SORT1: variants seen among roughly 807,000 people sequenced by gnomAD.
SORT1 encodes sortilin 1, also known as sortilin.
SORT1 carries 39 observed loss-of-function variants against 101.7 expected under a neutral mutation model. That is an observed-to-expected ratio of 0.38 (90% CI 0.30 to 0.50). The LOEUF is 0.50. Ranked by LOEUF, SORT1 falls within the 20% of genes least tolerant of loss-of-function variation. SORT1 has a pLI of 0.90. For missense variants in SORT1, 878 were observed against 1,040.4 expected (o/e 0.84, Z 2.15); for synonymous variants, 396 against 393.7 (o/e 1.01, Z -0.07).
At chr1:109,387,670 TTGGGCTGGGCGCGGTGGCTCACGCC>T (rs1652650488) in intron 1 of SORT1, among the ~76,000 whole-genome samples, 1 of 152,226 alleles carries the variant, frequency 6.6e-6, no homozygotes. Flanking sequence ...GAAAGGCATT[TTGGGCTGGGCGCGGTGGCTCACGCC>T]TGCAATCCCA....
At chr1:109,324,588 GATA>G (rs754537366) in intron 14 of SORT1, among the ~76,000 whole-genome samples, 15 of 152,102 alleles carry the variant, frequency 9.9e-5, no homozygotes, top group Non-Finnish European at 1.8e-4. Flanking sequence ...ATGTTGAAAT[GATA>G]ATATTTTGGA....
At chr1:109,383,316 A>G (rs1040566392) in intron 1 of SORT1, among the ~76,000 whole-genome samples, 1 of 152,196 alleles carries the variant, frequency 6.6e-6, no homozygotes, top group South Asian at 2.1e-4. Flanking sequence ...GCCCTCTTTC[A>G]ACAAATATGT....
At chr1:109,384,722 T>C (rs985023128) in intron 1 of SORT1, among the ~76,000 whole-genome samples, 7 of 152,076 alleles carry the variant, frequency 4.6e-5, no homozygotes, top group Non-Finnish European at 1.0e-4. Flanking sequence ...GAGTATGGCA[T>C]AGGCATCTGC....
intron 1 of SORT1, among the ~76,000 whole-genome samples, chr1:109,375,813 T>C (rs1372801445): frequency 6.6e-6 from 1 of 152,100 alleles, no homozygotes; most frequent in Non-Finnish European, 1.5e-5. Context: ...GTAACATATT[T>C]AAAGTACTGG....
chr1:109,337,723 G>C (rs1206968693), intron 10 of SORT1, among the ~76,000 whole-genome samples: 1 of 152,094 alleles, frequency 6.6e-6, no homozygotes, highest in Non-Finnish European at 1.5e-5. Context: ...TGCCTCCCGG[G>C]TTCAAGCGAT....
At chr1:109,382,237 G>C (rs1048470294) in intron 1 of SORT1, among the ~76,000 whole-genome samples, 12 of 152,138 alleles carry the variant, frequency 7.9e-5, no homozygotes, top group Non-Finnish European at 2.9e-5. Flanking sequence ...CTGGGTTCAA[G>C]CAAGTCTCAT....
At chr1:109,317,668 C>A (rs1359194733) in intron 16 of SORT1, among the ~76,000 whole-genome samples, 185 bp downstream of exon 16, 1 of 152,142 alleles carries the variant, frequency 6.6e-6, no homozygotes, top group Non-Finnish European at 1.5e-5. Context: ...TCCTCTGACA[C>A]CAAGCACTCA....
chr1:109,338,391 C>G (rs1001193311), intron 10 of SORT1, among the ~76,000 whole-genome samples: 1 of 152,036 alleles, frequency 6.6e-6, no homozygotes, highest in African/African-American at 2.4e-5. Flanking sequence ...TAGGCCACTG[C>G]CAGGACTTTA....
At chr1:109,331,066 C>G (rs1401665956) in intron 11 of SORT1, among the ~76,000 whole-genome samples, 1 of 152,164 alleles carries the variant, frequency 6.6e-6, no homozygotes, top group Non-Finnish European at 1.5e-5. Context: ...ACCGATCCTT[C>G]TCAAACTCTT....
intron 8 of SORT1, among the ~76,000 whole-genome samples, chr1:109,345,177 C>A (rs1649494937): frequency 6.6e-6 from 1 of 152,168 alleles, no homozygotes; most frequent in South Asian, 2.1e-4. Flanking sequence ...CAAGAGATTG[C>A]TTTCTACAGA....
chr1:109,310,197 ATTAGT>A lies in SORT1; in HGVS notation c.*3841_*3845del, dbSNP rs924626157. On this transcript the variant is annotated 3_prime_UTR_variant, in exon 20 of 20. Transcript: ENST00000256637. ...CACACACATATATATAAAGGTACAGATTAGTTTATGTTATTCCTTATAAACAAGTA... is the reference window on the plus strand; with the variant it reads ...CACACACATATATATAAAGGTACAGATTATGTTATTCCTTATAAACAAGTA... 3.9e-5 allele frequency: 6 copies of A among 152,680 alleles called. No homozygotes were observed. Among genetic ancestry groups the A allele is most frequent in the Admixed American group, 1.3e-4 (2 of 15,288 alleles). 9.5% of individuals were successfully genotyped at this position (152,680 alleles called of 1,614,324 possible). A position where few individuals can be genotyped will look rare whatever the true frequency, so the allele number is the denominator to read the frequency against.
intron 2 of SORT1, among the ~76,000 whole-genome samples, chr1:109,368,113 G>C (rs1651212657): frequency 6.6e-6 from 1 of 151,874 alleles, no homozygotes; most frequent in Admixed American, 6.6e-5. Context: ...GGCTAACATG[G>C]TGAAACCCCA....
chr1:109,318,772 C>T (rs1007319161), intron 15 of SORT1, among the ~76,000 whole-genome samples: 3 of 152,112 alleles, frequency 2.0e-5, no homozygotes, highest in Non-Finnish European at 4.4e-5. Context: ...TCCGCTTCAG[C>T]CTCCCAAGGA....
chr1:109,381,911 A>C (rs1652265919), intron 1 of SORT1, among the ~76,000 whole-genome samples: 1 of 152,148 alleles, frequency 6.6e-6, no homozygotes, highest in African/African-American at 2.4e-5. Context: ...TTAAAATATC[A>C]ATAGCAACTG....
chr1:109,393,091 C>T, intron 1 of SORT1: 1 of 985,426 alleles, frequency 1.0e-6, no homozygotes, highest in Non-Finnish European at 1.2e-6. Context: ...TCTTCAGCGG[C>T]AGCTCCCTGA....
At chr1:109,392,157 G>A (rs992999712) in intron 1 of SORT1, among the ~76,000 whole-genome samples, 1 of 152,144 alleles carries the variant, frequency 6.6e-6, no homozygotes, top group Non-Finnish European at 1.5e-5. Flanking sequence ...TTGAGGGGTA[G>A]GATTAGGTAG....
At chr1:109,320,913 C>T (rs1647584783) in intron 15 of SORT1, among the ~76,000 whole-genome samples, 1 of 151,844 alleles carries the variant, frequency 6.6e-6, no homozygotes, top group African/African-American at 2.4e-5. Context: ...TTTAGGTATT[C>T]AATCAGAAAT....
At chr1:109,356,341 T>C (rs1422767918) in intron 3 of SORT1, among the ~76,000 whole-genome samples, 1 of 152,190 alleles carries the variant, frequency 6.6e-6, no homozygotes, top group Non-Finnish European at 1.5e-5. Context: ...ACCCCAATGA[T>C]GCAGTATGTG....
intron 10 of SORT1, among the ~76,000 whole-genome samples, chr1:109,339,772 T>C (rs1418948942): frequency 6.6e-6 from 1 of 152,220 alleles, no homozygotes; most frequent in Non-Finnish European, 1.5e-5. Context: ...ACTTAAACAG[T>C]TACATGTATA....
Sources: allele counts gnomAD v4.1 joint callset (sites outside exome capture counted in the v4.1 genomes callset), GRCh38; gene constraint gnomAD v4.1.1; transcripts MANE v1.5; gene names NCBI Gene and HGNC (gene_info 2026-07-23, HGNC 2026-07-21).